Variants in UNC80 observed in about 807,000 individuals in gnomAD.
UNC80 encodes unc-80 subunit of NALCN channel complex, also known as protein unc-80 homolog.
In UNC80, 164 loss-of-function variants were observed where a neutral mutation model predicts 384.6. The ratio of observed to expected loss-of-function variants is 0.43; its 90% CI spans 0.38 to 0.49. The LOEUF is 0.49. UNC80 is among the 20% of genes least tolerant of loss of function. The probability of loss-of-function intolerance (pLI) is 0.00; values close to 1 mark genes in which losing one functional copy is unlikely to be tolerated. For synonymous variants in UNC80, 1,486 were observed against 1,527.8 expected, an observed-to-expected ratio of 0.97 and a Z score of 0.64; for missense variants, 3,330 against 4,143.0, an observed-to-expected ratio of 0.80 and a Z score of 5.39.
At chr2:209,890,322 A>G (rs1299582063) in intron 26 of UNC80, among the ~76,000 whole-genome samples, 2 of 152,212 alleles carry the variant, frequency 1.3e-5, no homozygotes, top group Non-Finnish European at 2.9e-5. Context: ...ACTTGCACCC[A>G]TATGAAGTTA....
chr2:209,911,456 G>C lies in UNC80; in HGVS notation c.4783-1104G>C, dbSNP rs112484919. ...ACAAGAGCCCTGATTCACTTGTTTT[G>C]AAGTAGGTTCATTTTAAAAGTTGGT... On this transcript the variant is annotated intron_variant, in intron 29 of 64. Coordinates refer to ENST00000673920, the MANE Select transcript of UNC80 (RefSeq NM_001371986.1). 3.5e-3 allele frequency among the ~76,000 whole-genome samples: 532 copies of C among 152,224 alleles called. 4 individuals carry two copies. Among genetic ancestry groups the C allele is most frequent in the African/African-American group, 0.012 (512 of 41,550 alleles).
intron 4 of UNC80, among the ~76,000 whole-genome samples, chr2:209,783,922 G>T (rs1336068181): frequency 6.6e-6 from 1 of 151,970 alleles, no homozygotes; most frequent in Admixed American, 6.6e-5. Flanking sequence ...AGGGAATTTG[G>T]GTTACTCTTC....
In UNC80 at chr2:209,839,698, A is replaced by G. The variant is rs1057313555; in HGVS notation, c.3250+268A>G. Among the ~76,000 whole-genome samples the G allele has an allele frequency of 6.6e-6, 1 of 152,212 alleles. No homozygotes were observed. The highest frequency in any genetic ancestry group is 1.5e-5 in the Non-Finnish European group (1 of 68,042). On this transcript the variant is annotated intron_variant, in intron 19 of 64. Transcript: ENST00000673920. The surrounding 1 kb of genome is among the most constrained non-coding windows in gnomAD (Gnocchi z 4.1). ...CTCCTAACTTTGCTAAACTTGTAAT[A>G]TAGTAGGAGCCCCAGTCATTAAAGC... is the stretch of plus-strand genomic sequence containing the variant.
Position 209,839,494 on chromosome 2 carries a change from C to T in UNC80, c.3250+64C>T. On this transcript the variant is annotated intron_variant, in intron 19 of 64. Coordinates refer to ENST00000673920, the MANE Select transcript of UNC80 (RefSeq NM_001371986.1). The surrounding 1 kb of genome is among the most constrained non-coding windows in gnomAD (Gnocchi z 4.1). ...TACCAACCATGTCCTCAGATCAACT[C>T]AGTGATGCATAGTAGGGCCGAAAAA... is the stretch of plus-strand genomic sequence containing the variant. 6.6e-7 allele frequency: 1 copy of T among 1,517,544 alleles called. No homozygotes were observed. The highest frequency in any genetic ancestry group is 1.2e-5 in the South Asian group (1 of 82,504). 94.0% of individuals were successfully genotyped at this position (1,517,544 alleles called of 1,614,324 possible).
intron 36 of UNC80, among the ~76,000 whole-genome samples, chr2:209,928,510 C>G (rs1334249103): frequency 3.9e-5 from 6 of 151,904 alleles, no homozygotes; most frequent in Admixed American, 1.3e-4. Context: ...CTTACTTAAG[C>G]AATTAAAATA....
chr2:209,827,526 C>T (rs2080627321), intron 14 of UNC80, among the ~76,000 whole-genome samples: 2 of 152,146 alleles, frequency 1.3e-5, no homozygotes, highest in Admixed American at 1.3e-4. Context: ...ATGAGGGCAT[C>T]CAGCCAGTGT....
chr2:209,814,578 G>C (rs1040121338), intron 8 of UNC80, among the ~76,000 whole-genome samples: 1 of 152,150 alleles, frequency 6.6e-6, no homozygotes, highest in African/African-American at 2.4e-5. Context: ...TCATCATTAG[G>C]AATATTGCAT....
intron 58 of UNC80, among the ~76,000 whole-genome samples, chr2:209,977,389 G>A (rs1435911264): frequency 6.6e-6 from 1 of 152,104 alleles, no homozygotes; most frequent in Non-Finnish European, 1.5e-5. Context: ...AAGAAAAATG[G>A]TTTAAATCAT....
chr2:209,902,410 G>A (rs1406868700), intron 28 of UNC80, among the ~76,000 whole-genome samples: 1 of 152,228 alleles, frequency 6.6e-6, no homozygotes, highest in Non-Finnish European at 1.5e-5. Context: ...TGATAAGGCA[G>A]CAGCAGGGTT....
chr2:209,905,062 G>T (rs1308930016), intron 29 of UNC80, 97 bp downstream of exon 29: 2 of 1,271,766 alleles, frequency 1.6e-6, no homozygotes, highest in East Asian at 5.1e-5. Flanking sequence ...AAATGCAATT[G>T]TAACAATCAG....
At chr2:209,931,909 T>G (rs1358930796) in intron 38 of UNC80, among the ~76,000 whole-genome samples, 3 of 152,198 alleles carry the variant, frequency 2.0e-5, no homozygotes, top group South Asian at 4.1e-4. Context: ...TTTCAGTCTC[T>G]CTTGGATAAA....
chr2:209,813,378 C>T (rs1574556689), intron 7 of UNC80, among the ~76,000 whole-genome samples: 2 of 152,308 alleles, frequency 1.3e-5, no homozygotes. Flanking sequence ...CTTCAAAACT[C>T]TCTCAATATC....
chr2:209,833,226 A>G lies in UNC80; in HGVS notation c.2776-776A>G, dbSNP rs989951572. Among the ~76,000 whole-genome samples the G allele has an allele frequency of 2.0e-5, 3 of 149,196 alleles. No individual in the cohort carries two copies. In the Admixed American group the frequency reaches 2.0e-4, roughly 10 times the overall value. ...TTTGAAAACCAAAACTATGAAGGTA[A>G]GTGTTCTTTAGGCTTCTGCATTCTG... On this transcript the variant is annotated intron_variant, in intron 16 of 64. Transcript: ENST00000673920.
At chr2:209,880,856 A>G (rs2085226596) in intron 24 of UNC80, 105 bp from the exon 25 acceptor site, 3 of 1,095,432 alleles carry the variant, frequency 2.7e-6, no homozygotes, top group Non-Finnish European at 3.9e-6. Flanking sequence ...TAACATTCTC[A>G]TATGCAATTT....
At chr2:209,853,498 T>C (rs1419618276) in intron 22 of UNC80, among the ~76,000 whole-genome samples, 1 of 152,054 alleles carries the variant, frequency 6.6e-6, no homozygotes, top group South Asian at 2.1e-4. Context: ...GATTCAATTT[T>C]AAGTCCAGTA....
chr2:209,950,351 A>G (rs986382742), intron 47 of UNC80, among the ~76,000 whole-genome samples: 1 of 152,018 alleles, frequency 6.6e-6, no homozygotes, highest in Non-Finnish European at 1.5e-5. Context: ...AAAAATTTTA[A>G]TGACTATGAG....
At chr2:209,950,324 T>C (rs1439955435) in intron 47 of UNC80, among the ~76,000 whole-genome samples, 2 of 152,114 alleles carry the variant, frequency 1.3e-5, no homozygotes, top group Non-Finnish European at 2.9e-5. Context: ...TTGTTCCTGA[T>C]ATGCTTTTTT....
intron 37 of UNC80, among the ~76,000 whole-genome samples, chr2:209,930,179 T>C (rs1021031358): frequency 1.3e-5 from 2 of 152,240 alleles, no homozygotes; most frequent in African/African-American, 4.8e-5. Context: ...TATATATATA[T>C]ATATTACATT....
intron 18 of UNC80, among the ~76,000 whole-genome samples, chr2:209,837,929 A>G (rs918529886): frequency 6.6e-6 from 1 of 151,882 alleles, no homozygotes; most frequent in Non-Finnish European, 1.5e-5. Flanking sequence ...CCGCCACCGC[A>G]CCCTGCTAAT....
Sources: allele counts gnomAD v4.1 joint callset (sites outside exome capture counted in the v4.1 genomes callset), GRCh38; gene constraint gnomAD v4.1.1; non-coding constraint Gnocchi (gnomAD v3.1); transcripts MANE v1.5; gene names NCBI Gene and HGNC (gene_info 2026-07-23, HGNC 2026-07-21).